WRNIP1: variants seen among roughly 807,000 people sequenced by gnomAD.
The protein encoded by WRNIP1 is ATPase WRNIP1.
WRNIP1 carries 41 observed loss-of-function variants against 56.1 expected under a neutral mutation model. The ratio of observed to expected loss-of-function variants is 0.73; its 90% CI spans 0.57 to 0.95. WRNIP1 has a LOEUF of 0.95. Among genes scored for constraint, WRNIP1 ranks in the 40% least tolerant of loss-of-function variants. The pLI is 0.00. For synonymous variants in WRNIP1, 547 were observed against 398.1 expected (o/e 1.37, Z -4.45); for missense variants, 1,170 against 939.4 (o/e 1.25, Z -3.21).
At chr6:2,768,302 C>T (rs1765116797) in intron 1 of WRNIP1, among the ~76,000 whole-genome samples, 1 of 152,168 alleles carries the variant, frequency 6.6e-6, no homozygotes, top group Non-Finnish European at 1.5e-5. Context: ...CTAGATCCTT[C>T]CGTGCTGTCT....
intron 2 of WRNIP1, among the ~76,000 whole-genome samples, chr6:2,769,284 T>TTCTG (rs1765175083): frequency 6.6e-6 from 1 of 152,174 alleles, no homozygotes; most frequent in Admixed American, 6.5e-5. Flanking sequence ...AATCGGTATT[T>TTCTG]TCTGTAACTC....
chr6:2,784,417 C>T lies in WRNIP1; in HGVS notation c.1722+14C>T, dbSNP rs1581145521. 2 of 1,612,926 alleles carry T rather than the reference C, an allele frequency of 1.2e-6. No individual in the cohort carries two copies. Among genetic ancestry groups the T allele is most frequent in the South Asian group, 1.1e-5 (1 of 91,044 alleles). On this transcript the variant is annotated intron_variant, in intron 6 of 6. Coordinates refer to ENST00000380773, the MANE Select transcript of WRNIP1 (RefSeq NM_020135.3). ...CCTGAATGTGAGGTAAAGTAATCAG[C>T]TCATTTCTTGCAAATCACTTCTTTT...
intron 1 of WRNIP1, among the ~76,000 whole-genome samples, chr6:2,767,493 G>C (rs6923007): frequency 0.013 from 1,976 of 152,280 alleles, 30 homozygotes; most frequent in South Asian, 0.061. Context: ...GGAATGAATT[G>C]CCCTTTTTGT....
intron 5 of WRNIP1, 99 bp downstream of exon 5, chr6:2,783,660 C>CTTTTT (rs1765635157): frequency 5.1e-5 from 1 of 19,774 alleles, no homozygotes; most frequent in Non-Finnish European, 9.5e-5. Flanking sequence ...TTTTGCAGGG[C>CTTTTT]GGGGTGGGCG....
intron 3 of WRNIP1, chr6:2,773,344 T>TA (rs760119325): frequency 1.2e-5 from 12 of 985,412 alleles, no homozygotes. Flanking sequence ...GTGCCACGCT[T>TA]ATACGCCAAG....
At chr6:2,776,796 C>G (rs1765443587) in intron 3 of WRNIP1, among the ~76,000 whole-genome samples, 1 of 152,140 alleles carries the variant, frequency 6.6e-6, no homozygotes, top group Admixed American at 6.5e-5. Context: ...AAAGAGCATG[C>G]CATGCCCCTA....
At chr6:2,777,418 T>C (rs1203786574) in intron 3 of WRNIP1, among the ~76,000 whole-genome samples, 1 of 152,330 alleles carries the variant, frequency 6.6e-6, no homozygotes, top group South Asian at 2.1e-4. Flanking sequence ...CCAATGGGGC[T>C]CCTGCTTTGA....
At chr6:2,775,862 A>G (rs1251394090) in intron 3 of WRNIP1, among the ~76,000 whole-genome samples, 1 of 152,244 alleles carries the variant, frequency 6.6e-6, no homozygotes, top group African/African-American at 2.4e-5. Context: ...TATTATAACA[A>G]CATAATTTAC....
intron 3 of WRNIP1, among the ~76,000 whole-genome samples, chr6:2,777,036 C>CT (rs1416685606): frequency 7.2e-5 from 11 of 152,196 alleles, no homozygotes; most frequent in Non-Finnish European, 4.4e-5. Context: ...TTTAGGTTAG[C>CT]TGTAAGGTTG....
At chr6:2,772,908 C>G (rs2113466615) in intron 3 of WRNIP1, 1 of 934,516 alleles carries the variant, frequency 1.1e-6, no homozygotes, top group Admixed American at 6.2e-5. Context: ...AAAAGACTTC[C>G]AACCCCATAT....
chr6:2,766,395 C>T lies in WRNIP1; in HGVS notation c.773C>T (p.Thr258Ile). 2.5e-6 allele frequency: 4 copies of T among 1,606,542 alleles called. No individual in the cohort carries two copies. Among genetic ancestry groups the T allele is most frequent in the Admixed American group, 1.7e-5 (1 of 59,466 alleles). Residue 258 changes from threonine (T) to isoleucine (I), a missense_variant, in exon 1 of 7, where the codon ACC becomes ATC. Thr to Ile is a moderately conservative substitution (Grantham distance 89). Coordinates refer to ENST00000380773, the MANE Select transcript of WRNIP1 (RefSeq NM_020135.3). ...ACCCTGCTGCGCTCGCTCCTGGAGACCAACGAAATCCCCTCGCTTATCCTG... is the reference window on the plus strand; with the variant it reads ...ACCCTGCTGCGCTCGCTCCTGGAGATCAACGAAATCCCCTCGCTTATCCTG... ...QDTLLRSLLETNEIPSLILWG... is the reference protein window; with the variant it reads ...QDTLLRSLLEINEIPSLILWG...
At chr6:2,766,482 C>G (rs748238948) in intron 1 of WRNIP1, 38 bp downstream of exon 1, 3 of 1,464,530 alleles carry the variant, frequency 2.0e-6, no homozygotes, top group African/African-American at 2.8e-5. Context: ...CCGTAGTTAT[C>G]TCGGCGGTGG....
chr6:2,784,802 C>G (rs1765670960), intron 6 of WRNIP1, among the ~76,000 whole-genome samples: 1 of 152,066 alleles, frequency 6.6e-6, no homozygotes, highest in Admixed American at 6.6e-5. Context: ...ATGAAAACCA[C>G]TCACCTGGTT....
chr6:2,770,454 G>C, intron 3 of WRNIP1, 93 bp downstream of exon 3: 2 of 1,518,092 alleles, frequency 1.3e-6, no homozygotes, highest in Non-Finnish European at 1.8e-6. Flanking sequence ...AGTGAGGAGA[G>C]GGTGGGGACA....
chr6:2,769,026 T>C (rs900799625), intron 2 of WRNIP1, 144 bp downstream of exon 2: 2 of 729,678 alleles, frequency 2.7e-6, no homozygotes, highest in African/African-American at 1.8e-5. Context: ...TCAAGCCTAT[T>C]TCTCCATACA....
chr6:2,786,679 T>G lies in WRNIP1; in HGVS notation c.*1397T>G, dbSNP rs1008511107. 1 of 125,926 alleles carries G rather than the reference T, an allele frequency of 7.9e-6. No individual in the cohort carries two copies. The highest frequency in any genetic ancestry group is 2.5e-5 in the African/African-American group (1 of 40,248). 7.8% of individuals were successfully genotyped at this position (125,926 alleles called of 1,614,324 possible). ...TCTGAGGGTTTGGCTAGTAATAAATTGTAGGTAAGAAATTACTTGTGCATT... is the reference window on the plus strand; with the variant it reads ...TCTGAGGGTTTGGCTAGTAATAAATGGTAGGTAAGAAATTACTTGTGCATT... On this transcript the variant is annotated 3_prime_UTR_variant, in exon 7 of 7. Coordinates refer to ENST00000380773, the MANE Select transcript of WRNIP1 (RefSeq NM_020135.3).
intron 5 of WRNIP1, 22 bp from the exon 6 acceptor site, chr6:2,784,302 C>A (rs1402693782): frequency 1.2e-6 from 2 of 1,609,216 alleles, no homozygotes; most frequent in Admixed American, 3.3e-5. Flanking sequence ...CTGAAACTCT[C>A]CTTTGTCTCT....
In WRNIP1 at chr6:2,766,211, G is replaced by T. The variant is rs1256411544; in HGVS notation, c.589G>T (p.Ala197Ser). 27 of 1,464,812 alleles carry T rather than the reference G, an allele frequency of 1.8e-5. No homozygotes were observed. The highest frequency in any genetic ancestry group is 2.4e-5 in the Non-Finnish European group (27 of 1,105,340). 90.7% of individuals were successfully genotyped at this position (1,464,812 alleles called of 1,614,324 possible). Residue 197 changes from alanine to serine, a missense_variant, in exon 1 of 7, where the codon GCC becomes TCC. Coordinates refer to ENST00000380773, the MANE Select transcript of WRNIP1 (RefSeq NM_020135.3). ...GHWDADAAEA[A>S]TAFGASGGGR... ...CTGGGACGCGGACGCTGCCGAAGCC[G>T]CCACCGCCTTCGGGGCCAGTGGCGG...
intron 4 of WRNIP1, among the ~76,000 whole-genome samples, chr6:2,783,142 G>A (rs1432623755): frequency 1.3e-5 from 2 of 152,142 alleles, no homozygotes; most frequent in African/African-American, 4.8e-5. Context: ...CCTCCCTCCT[G>A]CCTCTGTGCG....
Sources: gnomAD v4.1 joint callset for allele counts (sites outside exome capture counted in the v4.1 genomes callset) on GRCh38, gnomAD v4.1.1 for gene constraint, MANE v1.5 for transcripts, NCBI Gene and HGNC (gene_info 2026-07-23, HGNC 2026-07-21) for gene names.